The following NOL4 variants were observed in gnomAD, a reference collection of about 807,000 sequenced individuals.
The protein encoded by NOL4 is nucleolar protein 4, also known as cancer/testis antigen 125.
A neutral mutation model predicts 75.9 loss-of-function variants in NOL4; 17 were observed. The observed-to-expected ratio is 0.22, with a 90% CI of 0.15 to 0.34. NOL4 has a LOEUF of 0.34. Among genes scored for constraint, NOL4 ranks in the 10% least tolerant of loss-of-function variants. The pLI is 1.00. For missense variants in NOL4, 614 were observed against 793.5 expected (o/e 0.77, Z 2.72); for synonymous variants, 292 against 289.9 (o/e 1.01, Z -0.07).
At chr18:34,099,835 G>T (rs2078963438) in intron 4 of NOL4, among the ~76,000 whole-genome samples, 1 of 152,048 alleles carries the variant, frequency 6.6e-6, no homozygotes, top group Non-Finnish European at 1.5e-5. Flanking sequence ...CAAAATGTGA[G>T]TAATTCTCTT....
intron 6 of NOL4, among the ~76,000 whole-genome samples, chr18:33,961,251 T>C (rs2145772224): frequency 1.3e-5 from 2 of 152,240 alleles, no homozygotes; most frequent in Non-Finnish European, 2.9e-5. Flanking sequence ...AGGATACTTC[T>C]GGATGAGATT....
chr18:34,150,435 C>T (rs1767937078), intron 1 of NOL4, among the ~76,000 whole-genome samples: 1 of 151,642 alleles, frequency 6.6e-6, no homozygotes, highest in Non-Finnish European at 1.5e-5. Flanking sequence ...AATAGACCTA[C>T]ATAAATATAG....
intron 6 of NOL4, among the ~76,000 whole-genome samples, chr18:33,987,911 G>T (rs1322410678): frequency 6.6e-6 from 1 of 151,994 alleles, no homozygotes; most frequent in African/African-American, 2.4e-5. Context: ...TTTATCAGCG[G>T]AGCTTGGTGA....
At position 34,126,525 on chromosome 18, in the gene NOL4, C is replaced by A. The variant is rs2080397977; in HGVS notation, c.414+3346G>T. ...ATAACACTGACTTTCCCTCTTAGTT[C>A]CTGGATTTCTACCAGTTAGTCTTAT... On this transcript the variant is annotated intron_variant, in intron 2 of 10. Coordinates refer to ENST00000261592, the MANE Select transcript of NOL4 (RefSeq NM_003787.5). 2.0e-5 allele frequency among the ~76,000 whole-genome samples: 3 copies of A among 152,052 alleles called. No homozygotes were observed. In the South Asian group the frequency reaches 6.2e-4, roughly 31 times the overall value.
chr18:34,204,067 T>A (rs1420357458), intron 1 of NOL4, among the ~76,000 whole-genome samples: 1 of 152,110 alleles, frequency 6.6e-6, no homozygotes, highest in African/African-American at 2.4e-5. Flanking sequence ...TGTAGAGTGC[T>A]GACTCATTAA....
chr18:33,880,786 G>C (rs1357464684), intron 10 of NOL4, among the ~76,000 whole-genome samples: 1 of 151,704 alleles, frequency 6.6e-6, no homozygotes, highest in Non-Finnish European at 1.5e-5. Context: ...TCACTATTTA[G>C]AAGAAAAGCA....
chr18:34,077,878 C>A (rs141808395), intron 5 of NOL4, among the ~76,000 whole-genome samples: 214 of 152,152 alleles, frequency 1.4e-3, no homozygotes, highest in Middle Eastern at 6.8e-3. Flanking sequence ...TTTCCCATGG[C>A]AATACTACAA....
chr18:33,853,033 G>T lies in NOL4; in HGVS notation c.1726C>A (p.Pro576Thr). The T allele has an allele frequency of 6.3e-7, 1 of 1,585,356 alleles. No homozygotes were observed. The highest frequency in any genetic ancestry group is 1.4e-5 in the African/African-American group (1 of 73,486). The change falls in exon 11 of 11, where the codon CCC becomes ACC. Residue 576 changes from proline to threonine, a missense_variant and splice_region_variant. This residue lies in a region of NOL4 where 128 missense variants were observed against 159.9 expected (regional missense o/e 0.80). Coordinates refer to ENST00000261592, the MANE Select transcript of NOL4 (RefSeq NM_003787.5). Reference protein sequence around the residue: ...LNLNDASSSGPTDLSMKRQLA... With the variant: ...LNLNDASSSGTTDLSMKRQLA... ...TGTCTCTTCATGCTGAGATCAGTGGGTCCTAGAAAGAAAATCATCACAAAA... is the reference window on the plus strand; with the variant it reads ...TGTCTCTTCATGCTGAGATCAGTGGTTCCTAGAAAGAAAATCATCACAAAA...
intron 1 of NOL4, among the ~76,000 whole-genome samples, chr18:34,158,418 C>T (rs534125699): frequency 9.9e-5 from 15 of 152,264 alleles, no homozygotes; most frequent in Non-Finnish European, 1.3e-4. Context: ...ACCCCCCACC[C>T]TCGAGTTCAA....
rs187211291 is a variant in NOL4, at chr18:34,089,653, T to C, written c.772+3812A>G. 4.6e-5 allele frequency among the ~76,000 whole-genome samples: 7 copies of C among 152,342 alleles called. No individual in the cohort carries two copies. In the East Asian group the frequency reaches 1.2e-3, roughly 25 times the overall value. On this transcript the variant is annotated intron_variant, in intron 5 of 10. Coordinates refer to ENST00000261592, the MANE Select transcript of NOL4 (RefSeq NM_003787.5). ...TTGCAGAAAGACAACTGGGCACTGA[T>C]TCCTAGGCTTTTCTTTTGTTTTCAA...
intron 1 of NOL4, among the ~76,000 whole-genome samples, chr18:34,147,486 G>C (rs2081452123): frequency 6.6e-6 from 1 of 152,054 alleles, no homozygotes; most frequent in Non-Finnish European, 1.5e-5. Context: ...TGTGGTTTTT[G>C]TCATTGGTTC....
At chr18:34,190,759 T>A (rs1481645550) in intron 1 of NOL4, among the ~76,000 whole-genome samples, 2 of 151,712 alleles carry the variant, frequency 1.3e-5, no homozygotes, top group East Asian at 3.8e-4. Flanking sequence ...ACCAATAATT[T>A]AAATTATGCA....
Position 34,222,982 on chromosome 18 carries a change from T to C in NOL4, c.264+8A>G. On this transcript the variant is annotated splice_region_variant and intron_variant, in intron 1 of 10. Transcript: ENST00000261592. Reference sequence around the variant, plus strand: ...CAGACAAATAACAGAGGAAGGCGAGTCACTCACCGTGGTCTTGACAGGCAC... The same window carrying C: ...CAGACAAATAACAGAGGAAGGCGAGCCACTCACCGTGGTCTTGACAGGCAC... 1 of 1,603,248 alleles carries C rather than the reference T, an allele frequency of 6.2e-7. No homozygotes were observed.
chr18:33,950,650 C>G (rs1423962917), intron 8 of NOL4, among the ~76,000 whole-genome samples: 1 of 152,064 alleles, frequency 6.6e-6, no homozygotes, highest in Non-Finnish European at 1.5e-5. Context: ...ATATGGATAA[C>G]AGCAATATAA....
chr18:33,859,604 TCAGTC>T (rs1158117650), intron 10 of NOL4, among the ~76,000 whole-genome samples: 1 of 152,182 alleles, frequency 6.6e-6, no homozygotes, highest in Non-Finnish European at 1.5e-5. Flanking sequence ...CATAGTTGTA[TCAGTC>T]CATTCTTATA....
intron 5 of NOL4, among the ~76,000 whole-genome samples, chr18:34,053,098 C>T (rs1183532868): frequency 3.3e-5 from 5 of 151,798 alleles, no homozygotes; most frequent in Non-Finnish European, 5.9e-5. Context: ...ACATACATTG[C>T]TAATAGGTAG....
chr18:34,111,112 A>G (rs530676701), intron 2 of NOL4, among the ~76,000 whole-genome samples: 9 of 152,284 alleles, frequency 5.9e-5, no homozygotes, highest in Non-Finnish European at 1.3e-4. Context: ...TGGAAGAAAT[A>G]AATTGGCCCT....
intron 1 of NOL4, among the ~76,000 whole-genome samples, chr18:34,150,733 A>T (rs2081604858): frequency 6.6e-6 from 1 of 151,766 alleles, no homozygotes; most frequent in South Asian, 2.1e-4. Context: ...TGAATGAAAG[A>T]ATTGATAAGC....
chr18:34,213,185 C>G (rs544834362), intron 1 of NOL4, among the ~76,000 whole-genome samples: 1 of 152,144 alleles, frequency 6.6e-6, no homozygotes, highest in East Asian at 1.9e-4. Flanking sequence ...ATGTGTTCCC[C>G]GAAGTTCCTG....
Sources: gnomAD v4.1 joint callset for allele counts (sites outside exome capture counted in the v4.1 genomes callset) on GRCh38, gnomAD v4.1.1 for gene constraint, gnomAD v4.1.1 regional missense constraint, MANE v1.5 for transcripts, NCBI Gene and HGNC (gene_info 2026-07-23, HGNC 2026-07-21) for gene names.